KALRN: variants seen among roughly 807,000 people sequenced by gnomAD.
KALRN encodes kalirin RhoGEF kinase, also known as kalirin.
A neutral mutation model predicts 353.7 loss-of-function variants in KALRN; 70 were observed. The ratio of observed to expected loss-of-function variants is 0.20; its 90% CI spans 0.16 to 0.24. The LOEUF is 0.24. Ranked by LOEUF, KALRN falls within the 10% of genes least tolerant of loss-of-function variation. The pLI is 1.00. For missense variants in KALRN, 2,791 were observed against 3,756.7 expected (o/e 0.74, Z 6.72); for synonymous variants, 1,391 against 1,434.8 (o/e 0.97, Z 0.69).
intron 34 of KALRN, among the ~76,000 whole-genome samples, chr3:124,579,211 GC>G (rs1452176065): frequency 5.9e-5 from 9 of 152,184 alleles, no homozygotes; most frequent in Admixed American, 5.9e-4. Context: ...TCACACTGGT[GC>G]CTGATGTCAG....
chr3:124,071,512 A>G (rs114588521), intron 1 of KALRN, among the ~76,000 whole-genome samples: 2,234 of 152,338 alleles, frequency 0.015, 56 homozygotes, highest in African/African-American at 0.05. Context: ...CTGTGCTTCT[A>G]TAACAAAATA....
chr3:124,393,674 TA>T (rs1353367683), intron 11 of KALRN, among the ~76,000 whole-genome samples: 1 of 152,138 alleles, frequency 6.6e-6, no homozygotes, highest in Non-Finnish European at 1.5e-5. Flanking sequence ...AATAAGAAAA[TA>T]GTTCAGTCCT....
chr3:124,382,724 A>T (rs1254429695), intron 10 of KALRN, among the ~76,000 whole-genome samples: 1 of 152,194 alleles, frequency 6.6e-6, no homozygotes. Flanking sequence ...GGGAATCCTG[A>T]GACTCTTTAG....
intron 17 of KALRN, 102 bp from the exon 18 acceptor site, chr3:124,438,786 A>T (rs1487169586): frequency 2.0e-6 from 2 of 1,005,894 alleles, no homozygotes; most frequent in African/African-American, 3.3e-5. Flanking sequence ...TTAAACTTCT[A>T]ATGAAAAATG....
Position 124,438,976 on chromosome 3 carries a change from A to G in KALRN, c.3137A>G (p.Glu1046Gly). The G allele has an allele frequency of 1.2e-6, 2 of 1,614,180 alleles. No homozygotes were observed. Among genetic ancestry groups the G allele is most frequent in the Non-Finnish European group, 1.7e-6 (2 of 1,180,026 alleles). The change falls in exon 18 of 60, where the codon GAG (glutamate) becomes GGG (glycine). Residue 1046 changes from glutamate (E) to glycine (G), a missense_variant. This residue lies in a region of KALRN where 452 missense variants were observed against 575.8 expected (regional missense o/e 0.78). Coordinates refer to ENST00000682506, the MANE Select transcript of KALRN (RefSeq NM_001388419.1). ...GGRDKLGPAA[E>G]IDHVIPLISK... Reference sequence around the variant, plus strand: ...CGAGATAAGCTGGGGCCAGCAGCAGAGATCGACCATGTCATTCCCCTCATC... The same window carrying G: ...CGAGATAAGCTGGGGCCAGCAGCAGGGATCGACCATGTCATTCCCCTCATC...
At position 124,596,869 on chromosome 3, in the gene KALRN, G is replaced by A. The variant is rs187670774; in HGVS notation, c.5182+33780G>A. ...TCGAGACCAGCCTGGCCAATATGGC[G>A]AAACCCCATCTCTACCAAAAATACA... On this transcript the variant is annotated intron_variant, in intron 34 of 59. Coordinates refer to ENST00000682506, the MANE Select transcript of KALRN (RefSeq NM_001388419.1). Among the ~76,000 whole-genome samples the A allele has an allele frequency of 1.1e-3, 170 of 152,256 alleles. 1 individual carries two copies. Among genetic ancestry groups the A allele is most frequent in the Non-Finnish European group, 2.0e-3 (133 of 68,018 alleles).
chr3:124,120,760 C>G (rs116255264), intron 1 of KALRN, among the ~76,000 whole-genome samples: 1 of 134,696 alleles, frequency 7.4e-6, no homozygotes, highest in Admixed American at 7.3e-5. Flanking sequence ...ACATAATTAG[C>G]TAACTATTCA....
intron 33 of KALRN, among the ~76,000 whole-genome samples, chr3:124,549,346 C>T (rs1249290180): frequency 6.8e-6 from 1 of 146,208 alleles, no homozygotes; most frequent in Non-Finnish European, 1.5e-5. Context: ...CACACACACA[C>T]ACATAATCAC....
chr3:124,668,088 A>G (rs931814606), intron 47 of KALRN, among the ~76,000 whole-genome samples: 1 of 132,358 alleles, frequency 7.6e-6, no homozygotes. Flanking sequence ...ACACACACAC[A>G]CACACAACCA....
intron 51 of KALRN, 147 bp downstream of exon 51, chr3:124,679,664 G>A: frequency 1.3e-6 from 1 of 777,212 alleles, no homozygotes; most frequent in Non-Finnish European, 2.3e-6. Context: ...AGCTATAAAA[G>A]AAACAAACAA....
chr3:124,240,437 T>C (rs2080293068), intron 3 of KALRN, among the ~76,000 whole-genome samples: 1 of 152,158 alleles, frequency 6.6e-6, no homozygotes, highest in Non-Finnish European at 1.5e-5. Flanking sequence ...CCCTCAGGCA[T>C]TGCAGGCCTG....
chr3:124,666,747 G>A, intron 46 of KALRN, 113 bp downstream of exon 46: 1 of 881,912 alleles, frequency 1.1e-6, no homozygotes, highest in Non-Finnish European at 1.8e-6. Flanking sequence ...AGATCTTTCA[G>A]CCGAATAACA....
intron 34 of KALRN, chr3:124,584,744 T>C: frequency 6.5e-7 from 1 of 1,526,910 alleles, no homozygotes; most frequent in Non-Finnish European, 8.8e-7. Context: ...GCGGCGGCGC[T>C]GAAGTTTCCT....
At chr3:124,401,996 A>G (rs901752816) in intron 13 of KALRN, among the ~76,000 whole-genome samples, 2 of 152,166 alleles carry the variant, frequency 1.3e-5, no homozygotes, top group Non-Finnish European at 2.9e-5. Flanking sequence ...GTCTGTGATT[A>G]CAGGACCTAC....
At chr3:124,100,273 G>A (rs1406111984) in intron 1 of KALRN, 1 of 152,128 alleles carries the variant, frequency 6.6e-6, no homozygotes, top group Non-Finnish European at 1.5e-5. Context: ...GTATATTCTG[G>A]ATATCAGTCC....
intron 20 of KALRN, 61 bp from the exon 21 acceptor site, chr3:124,446,702 G>A (rs1369802933): frequency 1.2e-6 from 2 of 1,602,976 alleles, no homozygotes; most frequent in Non-Finnish European, 1.7e-6. Flanking sequence ...ATTGTAGTAT[G>A]GCATGTTTTC....
intron 1 of KALRN, among the ~76,000 whole-genome samples, chr3:124,173,317 A>G (rs2072159637): frequency 6.6e-6 from 1 of 152,222 alleles, no homozygotes; most frequent in African/African-American, 2.4e-5. Context: ...GCTTGGGAGA[A>G]CAGAGCCTAT....
At chr3:124,548,559 A>G (rs1386152793) in intron 33 of KALRN, among the ~76,000 whole-genome samples, 1 of 152,250 alleles carries the variant, frequency 6.6e-6, no homozygotes, top group African/African-American at 2.4e-5. Flanking sequence ...AAGGTCTAGA[A>G]GGGAGTATTC....
At chr3:124,068,296 C>T (rs1028491516) in intron 1 of KALRN, among the ~76,000 whole-genome samples, 26 of 152,212 alleles carry the variant, frequency 1.7e-4, no homozygotes, top group African/African-American at 6.3e-4. Context: ...TCAGCCTCTA[C>T]TTGGTGTAAC....
Sources: gnomAD v4.1 joint callset for allele counts (sites outside exome capture counted in the v4.1 genomes callset) on GRCh38, gnomAD v4.1.1 for gene constraint, gnomAD v4.1.1 regional missense constraint, MANE v1.5 for transcripts, NCBI Gene and HGNC (gene_info 2026-07-23, HGNC 2026-07-21) for gene names.